Variants in SMC5 observed in about 807,000 individuals in gnomAD.
The protein encoded by SMC5 is structural maintenance of chromosomes protein 5.
A neutral mutation model predicts 148.3 loss-of-function variants in SMC5; 88 were observed. The observed-to-expected ratio is 0.59, with a 90% CI of 0.50 to 0.71. The LOEUF (loss-of-function observed/expected upper bound fraction) is 0.71, where lower values mean the gene tolerates loss of function less well. SMC5 is among the 30% of genes least tolerant of loss of function. SMC5 has a pLI of 0.00. For synonymous variants in SMC5, 421 were observed against 432.8 expected (o/e 0.97, Z 0.34); for missense variants, 1,142 against 1,298.9 (o/e 0.88, Z 1.86).
chr9:70,336,508 T>G (rs1430597730), intron 17 of SMC5, among the ~76,000 whole-genome samples: 2 of 152,086 alleles, frequency 1.3e-5, no homozygotes, highest in Non-Finnish European at 2.9e-5. Flanking sequence ...GCAATAGTAT[T>G]CTAAATAGGT....
At chr9:70,283,324 G>T (rs1388224965) in intron 7 of SMC5, among the ~76,000 whole-genome samples, 1 of 152,056 alleles carries the variant, frequency 6.6e-6, no homozygotes, top group East Asian at 1.9e-4. Flanking sequence ...AACTTAGCCA[G>T]GCATGGTGGT....
At chr9:70,341,444 A>T (rs763259555) in intron 17 of SMC5, among the ~76,000 whole-genome samples, 77 of 152,350 alleles carry the variant, frequency 5.1e-4, no homozygotes, top group East Asian at 7.7e-4. Flanking sequence ...TTGCCTGAGT[A>T]CAATGGTCCT....
chr9:70,322,936 AT>A (rs1236827559), intron 15 of SMC5, among the ~76,000 whole-genome samples: 3 of 152,130 alleles, frequency 2.0e-5, no homozygotes, highest in Non-Finnish European at 4.4e-5. Flanking sequence ...TCAAAATGTT[AT>A]TTCGCTTTAC....
intron 17 of SMC5, among the ~76,000 whole-genome samples, chr9:70,332,945 G>A (rs1217933526): frequency 6.6e-6 from 1 of 152,004 alleles, no homozygotes; most frequent in African/African-American, 2.4e-5. Flanking sequence ...TTCTGATAAA[G>A]GATATCTGAA....
intron 12 of SMC5, 143 bp downstream of exon 12, chr9:70,314,979 T>C (rs1389069377): frequency 2.0e-6 from 1 of 510,736 alleles, no homozygotes; most frequent in Non-Finnish European, 3.5e-6. Flanking sequence ...CACAGGACCA[T>C]GATATAGTTA....
At chr9:70,266,967 A>AGATAGAACCTG (rs1237720921) in intron 2 of SMC5, among the ~76,000 whole-genome samples, 4 of 151,726 alleles carry the variant, frequency 2.6e-5, no homozygotes, top group African/African-American at 9.7e-5. Flanking sequence ...ATTTGAACCT[A>AGATAGAACCTG]GATAGTAGAT....
rs773521037 is a variant in SMC5 at position 70,315,590 on chromosome 9, GTGAATCATGTAC to G, written c.1806+25_1806+36del. The G allele has an allele frequency of 3.2e-6, 5 of 1,553,760 alleles. No individual in the cohort carries two copies. In the African/African-American group the frequency reaches 4.1e-5, roughly 13 times the overall value. ...AAAGAATTGAACGGGTAGGAAAGTA[GTGAATCATGTAC>G]TGAATCATGTACCAAAAATGTAGTT... On this transcript the variant is annotated intron_variant, in intron 13 of 24. Coordinates refer to ENST00000361138, the MANE Select transcript of SMC5 (RefSeq NM_015110.4).
intron 10 of SMC5, among the ~76,000 whole-genome samples, chr9:70,304,796 G>GT (rs60372644): frequency 0.21 from 31,727 of 148,768 alleles, 3,418 homozygotes; most frequent in South Asian, 0.28. Context: ...CCATAGCAAG[G>GT]TTTTTTTTTT....
At chr9:70,259,379 C>T (rs2034026971) in intron 1 of SMC5, 116 bp downstream of exon 1, 1 of 1,107,142 alleles carries the variant, frequency 9.0e-7, no homozygotes, top group South Asian at 1.7e-5. Context: ...GTGGGTCTGG[C>T]CTTGAATTCG....
intron 3 of SMC5, among the ~76,000 whole-genome samples, chr9:70,274,920 A>G (rs2034547602): frequency 6.6e-6 from 1 of 152,006 alleles, no homozygotes; most frequent in Non-Finnish European, 1.5e-5. Context: ...TATTATTAAT[A>G]TAATATAGTT....
chr9:70,271,624 G>T (rs528409207), intron 3 of SMC5, among the ~76,000 whole-genome samples: 1 of 152,184 alleles, frequency 6.6e-6, no homozygotes, highest in Non-Finnish European at 1.5e-5. Flanking sequence ...ATGTTAGGTG[G>T]TGATAAGTGC....
intron 13 of SMC5, among the ~76,000 whole-genome samples, chr9:70,316,558 AGG>A (rs2035808436): frequency 6.6e-6 from 1 of 152,086 alleles, no homozygotes; most frequent in Non-Finnish European, 1.5e-5. Flanking sequence ...TAATTCACTG[AGG>A]TTTAGAAAAG....
At chr9:70,281,647 G>A (rs745797369) in intron 6 of SMC5, among the ~76,000 whole-genome samples, 63 of 152,122 alleles carry the variant, frequency 4.1e-4, no homozygotes, top group Non-Finnish European at 6.5e-4. Context: ...GGAAATAATT[G>A]TTACTTGCTT....
At chr9:70,319,004 G>C (rs1298824651) in intron 15 of SMC5, 41 bp downstream of exon 15, 1 of 1,517,908 alleles carries the variant, frequency 6.6e-7, no homozygotes, top group African/African-American at 1.4e-5. Context: ...ACAAATTACT[G>C]TATGGGAGAA....
At chr9:70,328,442 C>CA (rs1470015741) in intron 17 of SMC5, among the ~76,000 whole-genome samples, 1 of 152,188 alleles carries the variant, frequency 6.6e-6, no homozygotes, top group East Asian at 1.9e-4. Flanking sequence ...CTACAGGCCC[C>CA]ACACATGTCT....
intron 24 of SMC5, 55 bp from the exon 25 acceptor site, chr9:70,352,135 GA>G: frequency 6.8e-7 from 1 of 1,464,044 alleles, no homozygotes; most frequent in South Asian, 1.3e-5. Context: ...TGTAAGGTTG[GA>G]AAACTATACT....
At chr9:70,297,899 TA>T in intron 8 of SMC5, 66 bp from the exon 9 acceptor site, 2 of 1,516,584 alleles carry the variant, frequency 1.3e-6, no homozygotes, top group Non-Finnish European at 1.8e-6. Context: ...AAAACTATAT[TA>T]CTACAGAAGT....
At chr9:70,297,826 G>T (rs186556317) in intron 8 of SMC5, 140 bp from the exon 9 acceptor site, 1 of 898,260 alleles carries the variant, frequency 1.1e-6, no homozygotes, top group East Asian at 2.4e-5. Context: ...TAATGTGCTA[G>T]TCTAATTCTC....
At chr9:70,333,541 G>A (rs866074880) in intron 17 of SMC5, among the ~76,000 whole-genome samples, 4 of 151,898 alleles carry the variant, frequency 2.6e-5, no homozygotes, top group Non-Finnish European at 4.4e-5. Context: ...GATCAGCCTG[G>A]CCAACATGGC....
Sources: allele counts gnomAD v4.1 joint callset (sites outside exome capture counted in the v4.1 genomes callset), GRCh38; gene constraint gnomAD v4.1.1; transcripts MANE v1.5; gene names NCBI Gene and HGNC (gene_info 2026-07-23, HGNC 2026-07-21).